The following ZBTB44 variants were observed in gnomAD, a reference collection of about 807,000 sequenced individuals.
ZBTB44 encodes the protein zinc finger and BTB domain containing 44.
In ZBTB44, 15 loss-of-function variants were observed where a neutral mutation model predicts 54.0. That is an observed-to-expected ratio of 0.28 (90% CI 0.19 to 0.43). The LOEUF is 0.43. Ranked by LOEUF, ZBTB44 falls within the 20% of genes least tolerant of loss-of-function variation. The probability of loss-of-function intolerance (pLI) is 1.00; values close to 1 mark genes in which losing one functional copy is unlikely to be tolerated. For synonymous variants in ZBTB44, 230 were observed against 250.1 expected (o/e 0.92, Z 0.76); for missense variants, 487 against 707.1 (o/e 0.69, Z 3.53).
At chr11:130,299,360 T>C (rs535822991) in intron 1 of ZBTB44, among the ~76,000 whole-genome samples, 26 of 152,048 alleles carry the variant, frequency 1.7e-4, no homozygotes, top group Non-Finnish European at 3.5e-4. Context: ...GCTGGTCAAA[T>C]AAGGAATCAA....
intron 1 of ZBTB44, among the ~76,000 whole-genome samples, chr11:130,272,288 G>A (rs1264062884): frequency 6.6e-6 from 1 of 151,998 alleles, no homozygotes; most frequent in Non-Finnish European, 1.5e-5. Context: ...CAACACTTAT[G>A]ATTCAACTTT....
At chr11:130,298,814 C>T (rs1160308888) in intron 1 of ZBTB44, among the ~76,000 whole-genome samples, 1 of 117,508 alleles carries the variant, frequency 8.5e-6, no homozygotes, top group African/African-American at 3.3e-5. Context: ...CTGAACCACA[C>T]AGACACACAG....
intron 2 of ZBTB44, among the ~76,000 whole-genome samples, chr11:130,252,488 G>T (rs967870372): frequency 6.6e-6 from 1 of 152,046 alleles, no homozygotes. Context: ...TCTCAGCACC[G>T]CATGGCACTT....
chr11:130,307,057 A>C (rs1942306874), intron 1 of ZBTB44, among the ~76,000 whole-genome samples: 1 of 151,472 alleles, frequency 6.6e-6, no homozygotes. Flanking sequence ...AAAAAAAAAA[A>C]ATCAAAGAAC....
At chr11:130,314,271 T>A (rs1045428602) in intron 1 of ZBTB44, 104 bp downstream of exon 1, 2 of 152,402 alleles carry the variant, frequency 1.3e-5, no homozygotes, top group Non-Finnish European at 2.9e-5. Context: ...GACCCGGCTC[T>A]CCGCTCCCTT....
At chr11:130,283,256 G>C (rs1024650342) in intron 1 of ZBTB44, among the ~76,000 whole-genome samples, 6 of 151,748 alleles carry the variant, frequency 4.0e-5, no homozygotes, top group Non-Finnish European at 7.4e-5. Flanking sequence ...ATGTTGGCTA[G>C]GCTGGTCTCA....
At chr11:130,277,811 T>C (rs945762311) in intron 1 of ZBTB44, among the ~76,000 whole-genome samples, 10 of 152,126 alleles carry the variant, frequency 6.6e-5, no homozygotes, top group African/African-American at 1.9e-4. Flanking sequence ...TAGCAACAAA[T>C]TTTCGTTTTT....
chr11:130,234,070 T>A, intron 6 of ZBTB44, 86 bp downstream of exon 6: 1 of 1,529,168 alleles, frequency 6.5e-7, no homozygotes, highest in Non-Finnish European at 8.8e-7. Context: ...GCTCTTTGGC[T>A]GCTCTGGCAC....
intron 1 of ZBTB44, among the ~76,000 whole-genome samples, chr11:130,288,595 A>T (rs1348454276): frequency 6.6e-6 from 1 of 151,730 alleles, no homozygotes; most frequent in African/African-American, 2.4e-5. Context: ...TTTCAAGTTT[A>T]ATGTTAAAAA....
At chr11:130,278,146 C>T (rs1454723735) in intron 1 of ZBTB44, among the ~76,000 whole-genome samples, 1 of 152,020 alleles carries the variant, frequency 6.6e-6, no homozygotes, top group Admixed American at 6.6e-5. Context: ...TCCAATAAGC[C>T]CATTGTTAGT....
chr11:130,313,275 T>C (rs1039034731), intron 1 of ZBTB44, among the ~76,000 whole-genome samples: 17 of 152,212 alleles, frequency 1.1e-4, no homozygotes, highest in African/African-American at 4.1e-4. Flanking sequence ...TCTGCATCAT[T>C]AGGTTGTTCT....
chr11:130,273,147 T>A (rs1016181636), intron 1 of ZBTB44, among the ~76,000 whole-genome samples: 4 of 152,176 alleles, frequency 2.6e-5, no homozygotes, highest in Non-Finnish European at 5.9e-5. Context: ...TACTGCTATC[T>A]TTACAATGTT....
chr11:130,239,743 T>C, intron 3 of ZBTB44, 69 bp downstream of exon 3: 3 of 1,274,380 alleles, frequency 2.4e-6, no homozygotes, highest in Non-Finnish European at 3.4e-6. Context: ...ACTCTTGAGA[T>C]GAAATGCTTG....
intron 2 of ZBTB44, among the ~76,000 whole-genome samples, chr11:130,249,447 T>G (rs1400057570): frequency 6.6e-6 from 1 of 152,242 alleles, no homozygotes. Flanking sequence ...AATATGAACT[T>G]CAGTGGCTGC....
chr11:130,278,219 C>G (rs1265823813), intron 1 of ZBTB44, among the ~76,000 whole-genome samples: 1 of 152,196 alleles, frequency 6.6e-6, no homozygotes, highest in Non-Finnish European at 1.5e-5. Context: ...ACAGCTTAGT[C>G]TAGCTTAAAG....
At chr11:130,313,966 A>ATATATATATATTTTTT (rs1160244728) in intron 1 of ZBTB44, among the ~76,000 whole-genome samples, 4 of 116,132 alleles carry the variant, frequency 3.4e-5, no homozygotes, top group African/African-American at 1.1e-4. Context: ...ATATATATAT[A>ATATATATATATTTTTT]TTTTTTTAAA....
At chr11:130,295,715 A>G in intron 1 of ZBTB44, 1 of 1,527,014 alleles carries the variant, frequency 6.5e-7, no homozygotes, top group Non-Finnish European at 9.1e-7. Flanking sequence ...ATCTTCTAGC[A>G]GCTGCAAAAA....
chr11:130,231,976 C>T (rs1953892604), intron 7 of ZBTB44: 2 of 152,104 alleles, frequency 1.3e-5, no homozygotes, highest in African/African-American at 4.8e-5. Flanking sequence ...GCTGATTCTC[C>T]TGAAGGGAAC....
In ZBTB44 at chr11:130,314,027, G is replaced by A. The variant is rs886132026; in HGVS notation, c.-57+348C>T. Among the ~76,000 whole-genome samples the A allele has an allele frequency of 6.6e-5, 10 of 152,010 alleles. No homozygotes were observed. In the East Asian group the frequency reaches 7.7e-4, roughly 12 times the overall value. On this transcript the variant is annotated intron_variant, in intron 1 of 7. Coordinates refer to ENST00000357899, the MANE Select transcript of ZBTB44 (RefSeq NM_001301098.2). Reference sequence around the variant, plus strand: ...CCAGAGAAAAAGCAGAAGGGGAAAGGAGGAAAAAAAACAGGTCTGAGCCTC... The same window carrying A: ...CCAGAGAAAAAGCAGAAGGGGAAAGAAGGAAAAAAAACAGGTCTGAGCCTC...
Sources: allele counts gnomAD v4.1 joint callset (sites outside exome capture counted in the v4.1 genomes callset), GRCh38; gene constraint gnomAD v4.1.1; transcripts MANE v1.5; gene names NCBI Gene and HGNC (gene_info 2026-07-23, HGNC 2026-07-21).